Variants in USP28 observed in about 807,000 individuals in gnomAD.
USP28 encodes the protein ubiquitin carboxyl-terminal hydrolase 28.
A neutral mutation model predicts 145.0 loss-of-function variants in USP28; 113 were observed. The observed-to-expected ratio is 0.78, with a 90% CI of 0.67 to 0.91. USP28 has a LOEUF of 0.91. Ranked by LOEUF, USP28 falls within the 40% of genes least tolerant of loss-of-function variation. USP28 has a pLI of 0.00. For synonymous variants in USP28, 447 were observed against 450.9 expected (o/e 0.99, Z 0.11); for missense variants, 1,201 against 1,289.6 (o/e 0.93, Z 1.05).
chr11:113,820,578 C>A (rs991341018), intron 12 of USP28: 2 of 152,228 alleles, frequency 1.3e-5, no homozygotes. Context: ...GCACAGCGCA[C>A]CCTGGGACCT....
At chr11:113,804,131 T>G (rs1045134624) in intron 21 of USP28, among the ~76,000 whole-genome samples, 5 of 152,226 alleles carry the variant, frequency 3.3e-5, no homozygotes, top group African/African-American at 1.2e-4. Flanking sequence ...TCGGATTTTA[T>G]CCTAATTTCT....
intron 1 of USP28, among the ~76,000 whole-genome samples, chr11:113,871,056 TGAATA>T (rs1167713421): frequency 2.6e-5 from 4 of 152,198 alleles, no homozygotes; most frequent in Non-Finnish European, 2.9e-5. Context: ...AGAAACTGAT[TGAATA>T]GGTCTAGAGT....
At chr11:113,853,191 G>A (rs1406438336) in intron 2 of USP28, among the ~76,000 whole-genome samples, 1 of 151,394 alleles carries the variant, frequency 6.6e-6, no homozygotes, top group Admixed American at 6.6e-5. Context: ...GGGAGGCTGA[G>A]GTGGGAGGAT....
At chr11:113,839,998 G>A (rs902686829) in intron 5 of USP28, among the ~76,000 whole-genome samples, 1 of 152,136 alleles carries the variant, frequency 6.6e-6, no homozygotes, top group African/African-American at 2.4e-5. Context: ...GCAACAGAGC[G>A]AGACACTGTG....
intron 11 of USP28, among the ~76,000 whole-genome samples, chr11:113,824,267 ATTAAC>A (rs1943039544): frequency 6.6e-6 from 1 of 152,176 alleles, no homozygotes; most frequent in Non-Finnish European, 1.5e-5. Context: ...TTAAATCTCT[ATTAAC>A]TTATTTAATA....
intron 12 of USP28, chr11:113,821,192 G>T: frequency 4.5e-6 from 1 of 222,866 alleles, no homozygotes; most frequent in South Asian, 8.1e-5. Flanking sequence ...TGAAGAGCAT[G>T]GCATTCACCA....
chr11:113,874,473 G>C, intron 1 of USP28: 1 of 1,071,880 alleles, frequency 9.3e-7, no homozygotes, highest in Non-Finnish European at 1.2e-6. Flanking sequence ...AAATACTACT[G>C]GCCTTCCAGA....
intron 1 of USP28, among the ~76,000 whole-genome samples, chr11:113,873,574 G>A (rs1949034338): frequency 6.6e-6 from 1 of 152,188 alleles, no homozygotes; most frequent in East Asian, 1.9e-4. Flanking sequence ...GGTCTTAAAT[G>A]ACTGAGCCAC....
exon 10 of USP28, chr11:113,829,285 C>T (rs1311028466): frequency 2.1e-5 from 34 of 1,613,926 alleles, no homozygotes; most frequent in Non-Finnish European, 2.8e-5. Flanking sequence ...GTCTAAGTTG[C>T]GATAACCGTT....
exon 25 of USP28, chr11:113,799,236 G>A (rs1938476836): frequency 1.2e-6 from 2 of 1,611,628 alleles, no homozygotes; most frequent in African/African-American, 1.3e-5. Flanking sequence ...GAACATGTGG[G>A]AGCTTATTTC....
At position 113,830,861 on chromosome 11, in the gene USP28, A is replaced by G. The variant is rs1299984504; in HGVS notation, c.910+6T>C. The G allele has an allele frequency of 1.9e-6, 3 of 1,611,692 alleles. No individual in the cohort carries two copies. The South Asian group carries it at 3.3e-5, about 18-fold the overall frequency. On this transcript the variant is annotated splice_donor_region_variant and intron_variant, in intron 9 of 24. Coordinates refer to ENST00000003302, the Ensembl canonical transcript of USP28. ...CTAGAATTAAAATTCAGAGCAGAGA[A>G]TTTACCTTCACGAACCCCTTCAGTC...
exon 10 of USP28, chr11:113,829,216 G>A (rs771707478): frequency 8.1e-6 from 13 of 1,613,840 alleles, no homozygotes; most frequent in South Asian, 5.5e-5. Flanking sequence ...ATACTTCACC[G>A]AGTGATCGGA....
chr11:113,874,423 G>GAA (rs778295743), intron 1 of USP28: 7,449 of 413,212 alleles, frequency 0.018, 238 homozygotes, highest in East Asian at 0.089. Flanking sequence ...AGACTCTGTC[G>GAA]AAAAAAAAAA....
At chr11:113,831,893 A>T (rs1427395896) in intron 8 of USP28, 27 bp downstream of exon 8, 1 of 1,604,042 alleles carries the variant, frequency 6.2e-7, no homozygotes, top group Admixed American at 1.7e-5. Context: ...AGTCGGAAGG[A>T]TGTACAAACA....
rs184267754 is a variant in USP28 at position 113,799,560 on chromosome 11, C to T, written c.3059-145G>A. The T allele has an allele frequency of 3.1e-6, 3 of 957,164 alleles. No individual in the cohort carries two copies. In the Admixed American group the frequency reaches 9.8e-5, roughly 31 times the overall value. 59.3% of individuals were successfully genotyped at this position (957,164 alleles called of 1,614,324 possible). On this transcript the variant is annotated intron_variant, in intron 24 of 24. Coordinates refer to ENST00000003302, the Ensembl canonical transcript of USP28. ...ACTAATAAATGATTATTCCTTCAGGCCAAACCAGGAGCAAAGGCAAATAAA... is the reference window on the plus strand; with the variant it reads ...ACTAATAAATGATTATTCCTTCAGGTCAAACCAGGAGCAAAGGCAAATAAA...
intron 1 of USP28, among the ~76,000 whole-genome samples, chr11:113,867,831 G>A: frequency 1.6e-5 from 2 of 125,296 alleles, no homozygotes; most frequent in Admixed American, 1.7e-4. Flanking sequence ...GGAAGGGAGG[G>A]AGGAAGAAAG....
At chr11:113,830,412 G>A (rs2135931116) in intron 9 of USP28, among the ~76,000 whole-genome samples, 1 of 152,246 alleles carries the variant, frequency 6.6e-6, no homozygotes, top group African/African-American at 2.4e-5. Flanking sequence ...CTATTTGAAT[G>A]TATTCTAAAC....
At chr11:113,856,586 C>A (rs1947071108) in intron 1 of USP28, among the ~76,000 whole-genome samples, 1 of 152,166 alleles carries the variant, frequency 6.6e-6, no homozygotes, top group Admixed American at 6.6e-5. Flanking sequence ...TAACTTTACA[C>A]AAAGTTACTG....
intron 13 of USP28, among the ~76,000 whole-genome samples, chr11:113,816,671 C>A (rs1376074876): frequency 6.6e-6 from 1 of 152,130 alleles, no homozygotes; most frequent in Non-Finnish European, 1.5e-5. Context: ...GAGGAGATTA[C>A]ACACATACAC....
Sources: allele counts gnomAD v4.1 joint callset (sites outside exome capture counted in the v4.1 genomes callset), GRCh38; gene constraint gnomAD v4.1.1; transcripts MANE v1.5; gene names NCBI Gene and HGNC (gene_info 2026-07-23, HGNC 2026-07-21).